Variants in DLC1 observed in about 807,000 individuals in gnomAD.
DLC1 encodes rho GTPase-activating protein 7.
DLC1 carries 54 observed loss-of-function variants against 140.3 expected under a neutral mutation model. The ratio of observed to expected loss-of-function variants is 0.38; its 90% CI spans 0.31 to 0.48. The LOEUF (loss-of-function observed/expected upper bound fraction) is 0.48. Ranked by LOEUF, DLC1 falls within the 20% of genes least tolerant of loss-of-function variation. DLC1 has a pLI of 0.96. For synonymous variants in DLC1, 986 were observed against 728.1 expected (o/e 1.35, Z -5.70); for missense variants, 2,536 against 1,907.0 (o/e 1.33, Z -6.14).
intron 4 of DLC1, among the ~76,000 whole-genome samples, chr8:13,316,864 ACTAATCC>A (rs1464648033): frequency 6.6e-6 from 1 of 152,114 alleles, no homozygotes; most frequent in Non-Finnish European, 1.5e-5. Flanking sequence ...TCCCTGTATA[ACTAATCC>A]CTTCTCAAAT....
At chr8:13,591,686 A>C (rs768384187) in intron 1 of DLC1, among the ~76,000 whole-genome samples, 1 of 152,108 alleles carries the variant, frequency 6.6e-6, no homozygotes. Context: ...CTTATTGGTA[A>C]CAGTAAAGTT....
chr8:13,190,076 C>T (rs910868501), intron 5 of DLC1, among the ~76,000 whole-genome samples: 29 of 152,158 alleles, frequency 1.9e-4, no homozygotes, highest in Non-Finnish European at 1.8e-4. Context: ...ATGAAACTAA[C>T]TCTAATGCAA....
chr8:13,523,279 A>AT lies in DLC1; in HGVS notation c.-125-23084dup, dbSNP rs936570641. On this transcript the variant is annotated intron_variant, in intron 1 of 1. Coordinates refer to the DLC1 transcript ENST00000631382. ...GCTGTTGTTGTGGTTCATGCTACCA[A>AT]TTTTTTTTAAGAATTAAATTTGCTA... 9.9e-5 allele frequency among the ~76,000 whole-genome samples: 15 copies of AT among 152,172 alleles called. No homozygotes were observed. The East Asian group carries it at 1.9e-3, about 20-fold the overall frequency.
At chr8:13,101,694 C>T (rs1400904713) in intron 8 of DLC1, among the ~76,000 whole-genome samples, 1 of 152,182 alleles carries the variant, frequency 6.6e-6, no homozygotes, top group African/African-American at 2.4e-5. Flanking sequence ...CAGGCCACAG[C>T]TGACCTGTGA....
chr8:13,577,396 T>C (rs1385682520), intron 1 of DLC1, among the ~76,000 whole-genome samples: 3 of 152,264 alleles, frequency 2.0e-5, no homozygotes, highest in Non-Finnish European at 2.9e-5. Flanking sequence ...GGTTATATGA[T>C]TATGAAGAAT....
At chr8:13,446,418 C>G (rs1201607420) in intron 2 of DLC1, among the ~76,000 whole-genome samples, 1 of 152,088 alleles carries the variant, frequency 6.6e-6, no homozygotes, top group Non-Finnish European at 1.5e-5. Context: ...TTCCACAGAC[C>G]TTTCTCACTG....
At chr8:13,175,529 C>T (rs1490578832) in intron 5 of DLC1, among the ~76,000 whole-genome samples, 2 of 151,926 alleles carry the variant, frequency 1.3e-5, no homozygotes, top group Non-Finnish European at 2.9e-5. Context: ...TCATTTCTGT[C>T]TTGTTTTTTA....
chr8:13,395,419 C>A (rs892688397), intron 3 of DLC1, among the ~76,000 whole-genome samples: 1 of 152,160 alleles, frequency 6.6e-6, no homozygotes, highest in African/African-American at 2.4e-5. Context: ...CGCACCCAGC[C>A]TCTTTATAAT....
At chr8:13,424,330 A>C (rs893046333) in intron 2 of DLC1, among the ~76,000 whole-genome samples, 2 of 151,940 alleles carry the variant, frequency 1.3e-5, no homozygotes, top group African/African-American at 2.4e-5. Context: ...CTCTCCTAAA[A>C]ATACAAAAAT....
intron 4 of DLC1, among the ~76,000 whole-genome samples, chr8:13,376,401 G>C (rs548402993): frequency 6.6e-6 from 1 of 152,190 alleles, no homozygotes; most frequent in South Asian, 2.1e-4. Context: ...AATCTTCTGC[G>C]TGACTTGGTG....
At chr8:13,253,411 C>T (rs1411734936) in intron 5 of DLC1, among the ~76,000 whole-genome samples, 1 of 150,764 alleles carries the variant, frequency 6.6e-6, no homozygotes, top group Non-Finnish European at 1.5e-5. Flanking sequence ...TGGTGGTTCT[C>T]CTCTAGAAAA....
chr8:13,313,235 G>A (rs1832750006), intron 4 of DLC1, among the ~76,000 whole-genome samples: 1 of 152,126 alleles, frequency 6.6e-6, no homozygotes, highest in Non-Finnish European at 1.5e-5. Context: ...TCATCCTCGT[G>A]TGCCTAGGTC....
chr8:13,443,269 G>C (rs542668942), intron 2 of DLC1, among the ~76,000 whole-genome samples: 1 of 150,900 alleles, frequency 6.6e-6, no homozygotes, highest in East Asian at 1.9e-4. Flanking sequence ...ATAGTTAATG[G>C]GTGCAGCACA....
intron 1 of DLC1, among the ~76,000 whole-genome samples, chr8:13,579,867 G>A (rs1805021098): frequency 6.6e-6 from 1 of 151,696 alleles, no homozygotes; most frequent in Non-Finnish European, 1.5e-5. Context: ...TATATTACAT[G>A]TTGTATCAGT....
intron 5 of DLC1, among the ~76,000 whole-genome samples, chr8:13,145,099 G>C (rs1823318065): frequency 6.6e-6 from 1 of 152,084 alleles, no homozygotes; most frequent in Admixed American, 6.6e-5. Flanking sequence ...CTCATGAACT[G>C]AGGAGAAATC....
intron 2 of DLC1, among the ~76,000 whole-genome samples, chr8:13,464,870 T>C (rs1238955199): frequency 6.6e-6 from 1 of 151,062 alleles, no homozygotes; most frequent in Admixed American, 6.6e-5. Flanking sequence ...ACCCCATTAC[T>C]GCCAGCAACA....
At chr8:13,594,948 T>C (rs1350943179) in intron 1 of DLC1, among the ~76,000 whole-genome samples, 2 of 152,064 alleles carry the variant, frequency 1.3e-5, no homozygotes, top group African/African-American at 4.8e-5. Context: ...TATTGATTGA[T>C]TCTTAATCTT....
intron 5 of DLC1, among the ~76,000 whole-genome samples, chr8:13,302,066 A>G (rs1404534485): frequency 2.0e-5 from 3 of 152,224 alleles, no homozygotes; most frequent in Admixed American, 2.0e-4. Flanking sequence ...ATCAGTTCTG[A>G]TTATTTAAAA....
At chr8:13,589,251 C>T (rs900071) in intron 1 of DLC1, among the ~76,000 whole-genome samples, 150,110 of 152,180 alleles carry the variant, frequency 0.99, 74,077 homozygotes, top group East Asian at 1. Context: ...TATAATAGAA[C>T]TGAGATCTTT....
Sources: allele counts gnomAD v4.1 joint callset (sites outside exome capture counted in the v4.1 genomes callset), GRCh38; gene constraint gnomAD v4.1.1; transcripts MANE v1.5; gene names NCBI Gene and HGNC (gene_info 2026-07-23, HGNC 2026-07-21).